The following TBCK variants were observed in gnomAD, a reference collection of about 807,000 sequenced individuals.
TBCK encodes the protein TBC domain-containing protein kinase-like protein.
A neutral mutation model predicts 113.4 loss-of-function variants in TBCK; 99 were observed. That is an observed-to-expected ratio of 0.87 (90% CI 0.74 to 1.03). The LOEUF (loss-of-function observed/expected upper bound fraction) is 1.03. Ranked by LOEUF, TBCK falls within the 50% of genes least tolerant of loss-of-function variation. The pLI is 0.00. For missense variants in TBCK, 1,045 were observed against 1,061.3 expected (o/e 0.98, Z 0.21); for synonymous variants, 369 against 370.8 (o/e 1.00, Z 0.05).
At chr4:106,067,932 C>T (rs576717831) in intron 25 of TBCK, among the ~76,000 whole-genome samples, 3 of 152,046 alleles carry the variant, frequency 2.0e-5, no homozygotes, top group East Asian at 1.9e-4. Context: ...AGTCCTCTGA[C>T]TTTGTTCTTT....
chr4:106,295,336 C>T (rs1169923359), intron 2 of TBCK, among the ~76,000 whole-genome samples, 170 bp from the exon 3 acceptor site: 1 of 152,116 alleles, frequency 6.6e-6, no homozygotes, highest in Non-Finnish European at 1.5e-5. Context: ...GGATAATAAA[C>T]ATCTAATAAA....
intron 25 of TBCK, among the ~76,000 whole-genome samples, chr4:106,092,977 T>C (rs1013812208): frequency 1.3e-5 from 2 of 152,176 alleles, no homozygotes; most frequent in Non-Finnish European, 2.9e-5. Context: ...GCCTCCAACA[T>C]TGGAGATTAC....
At chr4:106,160,935 A>G (rs543004017) in intron 23 of TBCK, among the ~76,000 whole-genome samples, 1 of 152,154 alleles carries the variant, frequency 6.6e-6, no homozygotes, top group South Asian at 2.1e-4. Flanking sequence ...ATTTAGCCTT[A>G]AGAAGAAAAA....
In TBCK at chr4:106,125,325, A is replaced by T. The variant is rs529934052; in HGVS notation, c.2236-8947T>A. On this transcript the variant is annotated intron_variant, in intron 23 of 25. Transcript: ENST00000394708. ...TAGCCAAGATACAGAACTAACCTAAATGTCTATCAATGGATGAATAAAGAA... is the reference window on the plus strand; with the variant it reads ...TAGCCAAGATACAGAACTAACCTAATTGTCTATCAATGGATGAATAAAGAA... Among the ~76,000 whole-genome samples, 5 of 152,284 alleles carry T rather than the reference A, an allele frequency of 3.3e-5. No individual in the cohort carries two copies. The East Asian group carries it at 9.6e-4, about 29-fold the overall frequency.
chr4:106,161,496 G>A (rs972273249), intron 23 of TBCK, among the ~76,000 whole-genome samples: 2 of 152,094 alleles, frequency 1.3e-5, no homozygotes, highest in Non-Finnish European at 2.9e-5. Flanking sequence ...AGGAGTGAGG[G>A]TCAGGGCAGA....
intron 25 of TBCK, among the ~76,000 whole-genome samples, chr4:106,081,569 G>C (rs1738876937): frequency 6.6e-6 from 1 of 152,124 alleles, no homozygotes; most frequent in African/African-American, 2.4e-5. Context: ...TGGATGCTGG[G>C]CTTAATACCT....
intron 3 of TBCK, among the ~76,000 whole-genome samples, chr4:106,265,054 A>T (rs1433710832): frequency 6.6e-6 from 1 of 151,886 alleles, no homozygotes; most frequent in Non-Finnish European, 1.5e-5. Context: ...TCAGCCCAAT[A>T]TGTCTAATGT....
At chr4:106,257,910 C>T (rs1762159009) in intron 5 of TBCK, among the ~76,000 whole-genome samples, 1 of 151,928 alleles carries the variant, frequency 6.6e-6, no homozygotes, top group African/African-American at 2.4e-5. Flanking sequence ...CTTTTATCAT[C>T]ACCACAATAC....
intron 3 of TBCK, among the ~76,000 whole-genome samples, chr4:106,293,982 A>G (rs1471645990): frequency 6.6e-6 from 1 of 152,230 alleles, no homozygotes; most frequent in Non-Finnish European, 1.5e-5. Context: ...ATTTCTAATA[A>G]AAGTTTAGAC....
At chr4:106,061,942 C>T (rs1282499885) in intron 25 of TBCK, among the ~76,000 whole-genome samples, 3 of 151,546 alleles carry the variant, frequency 2.0e-5, no homozygotes, top group South Asian at 2.1e-4. Flanking sequence ...GGGTCACAAA[C>T]GCTTTGGCAA....
intron 2 of TBCK, among the ~76,000 whole-genome samples, chr4:106,306,484 T>A (rs1479613105): frequency 6.6e-6 from 1 of 152,182 alleles, no homozygotes; most frequent in Middle Eastern, 3.4e-3. Flanking sequence ...ATTACTGTAT[T>A]ATTTAATATT....
Position 106,123,427 on chromosome 4 carries a change from C to T in TBCK, c.2236-7049G>A, listed in dbSNP as rs1262733271. ...GCTCATGGGTAGGAAGAATCAATATCATGAAAATGGCCATACTGCCCAAGG... is the reference window on the plus strand; with the variant it reads ...GCTCATGGGTAGGAAGAATCAATATTATGAAAATGGCCATACTGCCCAAGG... On this transcript the variant is annotated intron_variant, in intron 23 of 25. Transcript: ENST00000394708. 2.6e-5 allele frequency among the ~76,000 whole-genome samples: 4 copies of T among 152,292 alleles called. No homozygotes were observed. The East Asian group carries it at 5.8e-4, about 22-fold the overall frequency.
chr4:106,074,791 C>T (rs1450863039), intron 25 of TBCK, among the ~76,000 whole-genome samples: 3 of 152,222 alleles, frequency 2.0e-5, no homozygotes, highest in Admixed American at 1.3e-4. Flanking sequence ...GCCATCCCTA[C>T]AGCCAGAGGG....
intron 25 of TBCK, among the ~76,000 whole-genome samples, chr4:106,070,048 G>A (rs187041448): frequency 0.073 from 11,090 of 151,198 alleles, 474 homozygotes; most frequent in Middle Eastern, 0.18. Flanking sequence ...GGGCTGAGAC[G>A]ATGGGGTTTT....
At chr4:106,305,517 A>T (rs963251943) in intron 2 of TBCK, among the ~76,000 whole-genome samples, 19 of 151,892 alleles carry the variant, frequency 1.3e-4, no homozygotes, top group African/African-American at 2.4e-4. Context: ...ATATATATAT[A>T]TTTTTTATTA....
chr4:106,122,252 C>T (rs1251722160), intron 23 of TBCK, among the ~76,000 whole-genome samples: 9 of 151,820 alleles, frequency 5.9e-5, no homozygotes, highest in East Asian at 1.9e-4. Context: ...AACACCTCTA[C>T]GCAAATAAAC....
At chr4:106,261,660 G>A (rs563823283) in intron 4 of TBCK, among the ~76,000 whole-genome samples, 8 of 152,098 alleles carry the variant, frequency 5.3e-5, no homozygotes, top group Admixed American at 1.3e-4. Context: ...GGCATGAACA[G>A]TTGGTAAATA....
chr4:106,250,453 T>C lies in TBCK; in HGVS notation c.623A>G (p.Asp208Gly). 6.4e-7 allele frequency: 1 copy of C among 1,566,014 alleles called. No individual in the cohort carries two copies. The highest frequency in any genetic ancestry group is 8.7e-7 in the Non-Finnish European group (1 of 1,147,120). The change falls in exon 7 of 26, where the codon GAT becomes GGT. Residue 208 changes from aspartate (D) to glycine (G), a missense_variant. Coordinates refer to ENST00000394708, the MANE Select transcript of TBCK (RefSeq NM_001163435.3). ...CAAAAATTTTAGTCTTTCAGAAATA[T>C]CCAAGCTCTGAAATAATTTTCTTCC... is the stretch of plus-strand genomic sequence containing the variant. ...CVGRKLFQSL[D>G]ISERLKFLLT... is the part of the protein sequence containing the mutation.
intron 1 of TBCK, chr4:106,315,472 G>A (rs1768706063): frequency 1.3e-5 from 2 of 152,134 alleles, no homozygotes; most frequent in South Asian, 4.1e-4. Flanking sequence ...GTCTCAAATA[G>A]ATAGAAACCA....
Sources: gnomAD v4.1 joint callset for allele counts (sites outside exome capture counted in the v4.1 genomes callset) on GRCh38, gnomAD v4.1.1 for gene constraint, MANE v1.5 for transcripts, NCBI Gene and HGNC (gene_info 2026-07-23, HGNC 2026-07-21) for gene names.